The following EXOSC10 variants were observed in gnomAD, a reference collection of about 807,000 sequenced individuals.
EXOSC10 encodes the protein exosome complex component 10.
A neutral mutation model predicts 126.6 loss-of-function variants in EXOSC10; 94 were observed. The ratio of observed to expected loss-of-function variants is 0.74; its 90% confidence interval spans 0.63 to 0.88. The LOEUF (loss-of-function observed/expected upper bound fraction) is 0.88. Among genes scored for constraint, EXOSC10 ranks in the 40% least tolerant of loss-of-function variants. EXOSC10 has a pLI of 0.00. For synonymous variants in EXOSC10, 395 were observed against 400.8 expected, an observed-to-expected ratio of 0.99 and a Z score of 0.17; for missense variants, 1,041 against 1,100.5, an observed-to-expected ratio of 0.95 and a Z score of 0.77.
chr1:11,075,963 C>T (rs957985422), intron 17 of EXOSC10, among the ~76,000 whole-genome samples: 8 of 149,778 alleles, frequency 5.3e-5, no homozygotes, highest in South Asian at 2.1e-4. Flanking sequence ...GTCAGGCATT[C>T]GAGACCAGCC....
chr1:11,086,067 T>C (rs1024747981), intron 9 of EXOSC10, among the ~76,000 whole-genome samples: 3 of 151,058 alleles, frequency 2.0e-5, no homozygotes, highest in Admixed American at 1.3e-4. Context: ...ATCAAGGATA[T>C]TGGTCTAAAA....
intron 22 of EXOSC10, chr1:11,069,073 T>C (rs567038879): frequency 3.4e-6 from 1 of 298,120 alleles, no homozygotes; most frequent in South Asian, 5.7e-5. Flanking sequence ...TGGACTGGCC[T>C]CTGCTTTCTC....
chr1:11,075,119 G>A (rs776812787), intron 17 of EXOSC10, among the ~76,000 whole-genome samples: 8 of 151,974 alleles, frequency 5.3e-5, no homozygotes, highest in Admixed American at 1.3e-4. Flanking sequence ...TGCAACCTCC[G>A]CCTCCTGGAT....
intron 17 of EXOSC10, among the ~76,000 whole-genome samples, chr1:11,075,311 GC>G (rs1231210593): frequency 3.3e-5 from 5 of 152,128 alleles, no homozygotes; most frequent in Non-Finnish European, 5.9e-5. Context: ...GAGCCACCAC[GC>G]CAGGCCTGAA....
At chr1:11,073,784 G>A (rs1557696282) in intron 19 of EXOSC10, 150 bp downstream of exon 19, 1 of 624,616 alleles carries the variant, frequency 1.6e-6, no homozygotes, top group Non-Finnish European at 2.8e-6. Context: ...GGGAGGCTGA[G>A]GCAGAACTGC....
At chr1:11,093,642 G>A (rs1328894695) in intron 3 of EXOSC10, among the ~76,000 whole-genome samples, 1 of 152,204 alleles carries the variant, frequency 6.6e-6, no homozygotes, top group Non-Finnish European at 1.5e-5. Flanking sequence ...TAGTAAGCAA[G>A]ACAGAATAAT....
intron 6 of EXOSC10, 118 bp downstream of exon 6, chr1:11,090,436 G>C: frequency 1.2e-6 from 1 of 815,378 alleles, no homozygotes; most frequent in South Asian, 1.5e-5. Context: ...CCAGGTTGGG[G>C]TGTAAGGAGG....
rs766678696 is a variant in EXOSC10 at position 11,081,123 on chromosome 1, G to A, written c.1396C>T (p.Leu466=). ...WERGNGQPVQ[L]QVVWQRSRDI... is the part of the protein sequence containing the mutation. The stretch of plus-strand genomic sequence containing the variant: ...CTGCTCCGTTGCCACACCACCTGCA[G>A]CTGCACCGGCTGCCCGTTGCCGCGC... Residue 466 remains leucine, a synonymous_variant, in exon 11 of 25, where the codon CTG becomes TTG. Transcript: ENST00000376936. 111 of 1,614,066 alleles carry A rather than the reference G, an allele frequency of 6.9e-5. No individual in the cohort carries two copies. The highest frequency in any genetic ancestry group is 8.7e-5 in the Non-Finnish European group (103 of 1,180,040).
intron 10 of EXOSC10, among the ~76,000 whole-genome samples, chr1:11,081,483 C>T (rs1433242177): frequency 6.6e-6 from 1 of 152,216 alleles, no homozygotes; most frequent in African/African-American, 2.4e-5. Flanking sequence ...CTACTCTGGA[C>T]ACACACAAGA....
At chr1:11,096,298 A>C (rs1641082041) in intron 2 of EXOSC10, among the ~76,000 whole-genome samples, 1 of 151,798 alleles carries the variant, frequency 6.6e-6, no homozygotes, top group Non-Finnish European at 1.5e-5. Context: ...TTATGGGCAC[A>C]CGCCACCAGG....
At chr1:11,068,156 G>A in intron 23 of EXOSC10, 72 bp from the exon 24 acceptor site, 2 of 1,204,102 alleles carry the variant, frequency 1.7e-6, no homozygotes, top group South Asian at 1.2e-5. Context: ...ACACACCTGA[G>A]CTCAGGTGGC....
intron 3 of EXOSC10, among the ~76,000 whole-genome samples, chr1:11,094,663 T>A (rs1176898645): frequency 7.0e-6 from 1 of 143,630 alleles, no homozygotes; most frequent in East Asian, 2.2e-4. Flanking sequence ...TGCAGTGGCA[T>A]GATCGCGGCT....
At chr1:11,076,714 A>C (rs1639835633) in intron 17 of EXOSC10, 128 bp downstream of exon 17, 7 of 727,984 alleles carry the variant, frequency 9.6e-6, no homozygotes, top group Non-Finnish European at 1.6e-5. Flanking sequence ...CTCTCCCAGC[A>C]CTGCTGGGTT....
chr1:11,091,879 G>A (rs1640825489), intron 3 of EXOSC10, among the ~76,000 whole-genome samples: 1 of 151,994 alleles, frequency 6.6e-6, no homozygotes, highest in Admixed American at 6.6e-5. Flanking sequence ...TAGTAGAGAT[G>A]GGGTTTCACC....
chr1:11,097,761 G>A (rs552917878), intron 2 of EXOSC10, among the ~76,000 whole-genome samples: 40 of 151,390 alleles, frequency 2.6e-4, no homozygotes, highest in East Asian at 1.4e-3. Flanking sequence ...AAGTGTTCAC[G>A]TCCCATTTAA....
chr1:11,089,056 CA>C (rs1372489968), intron 6 of EXOSC10, among the ~76,000 whole-genome samples: 1 of 151,520 alleles, frequency 6.6e-6, no homozygotes, highest in Non-Finnish European at 1.5e-5. Flanking sequence ...CCTGTGTTTA[CA>C]AAAATAAAAA....
intron 10 of EXOSC10, 140 bp downstream of exon 10, chr1:11,082,548 T>C (rs929163711): frequency 2.5e-5 from 37 of 1,501,636 alleles, no homozygotes; most frequent in Non-Finnish European, 3.1e-5. Context: ...TTTACGCTGC[T>C]GAAGATGCCT....
Position 11,094,603 on chromosome 1 carries a change from C to CTTTT in EXOSC10, c.372+1151_372+1154dup, listed in dbSNP as rs772853273. Among the ~76,000 whole-genome samples the CTTTT allele has an allele frequency of 2.0e-4, 26 of 128,046 alleles. 1 individual carries two copies. The highest frequency in any genetic ancestry group is 5.0e-3 in the Middle Eastern group (1 of 200). 84.0% of individuals were successfully genotyped at this position (128,046 alleles called of 152,430 possible). A position where few individuals can be genotyped will look rare whatever the true frequency, so the allele number is the denominator to read the frequency against. Reference sequence around the variant, plus strand: ...GGCGTGAACCACCATGCCAGGCCACCTTTTTTTTTTTTTTTTTGAGACAGA... The same window carrying CTTTT: ...GGCGTGAACCACCATGCCAGGCCACCTTTTTTTTTTTTTTTTTTTTTGAGACAGA... On this transcript the variant is annotated intron_variant, in intron 3 of 24. Coordinates refer to ENST00000376936, the MANE Select transcript of EXOSC10 (RefSeq NM_001001998.3).
chr1:11,072,067 T>C lies in EXOSC10; in HGVS notation c.2242+20A>G, dbSNP rs1639532315. The C allele has an allele frequency of 1.3e-6, 2 of 1,597,546 alleles. No homozygotes were observed. Among genetic ancestry groups the C allele is most frequent in the African/African-American group, 2.7e-5 (2 of 74,354 alleles). Reference sequence around the variant, plus strand: ...GCCATTCTTTAACAGCCGACTGAGTTGCAAGGAAGTGAGTGTTACCTGTTT... The same window carrying C: ...GCCATTCTTTAACAGCCGACTGAGTCGCAAGGAAGTGAGTGTTACCTGTTT... On this transcript the variant is annotated intron_variant, in intron 20 of 24. Transcript: ENST00000376936.
Sources: allele counts gnomAD v4.1 joint callset (sites outside exome capture counted in the v4.1 genomes callset), GRCh38; gene constraint gnomAD v4.1.1; transcripts MANE v1.5; gene names NCBI Gene and HGNC (gene_info 2026-07-23, HGNC 2026-07-21).